Variants in HDAC7 observed in about 807,000 individuals in gnomAD.
HDAC7 encodes histone deacetylase 7, also known as histone deacetylase 7A.
Under a neutral mutation model 115.5 loss-of-function variants are expected in HDAC7, and 26 were observed. The observed-to-expected ratio is 0.23, with a 90% CI of 0.16 to 0.31. The LOEUF (loss-of-function observed/expected upper bound fraction) is 0.31, where lower values mean the gene tolerates loss of function less well. Among genes scored for constraint, HDAC7 ranks in the 10% least tolerant of loss-of-function variants. The probability of loss-of-function intolerance (pLI) is 1.00; values close to 1 mark genes in which losing one functional copy is unlikely to be tolerated. For missense variants in HDAC7, 1,068 were observed against 1,329.0 expected (o/e 0.80, Z 3.05); for synonymous variants, 564 against 550.9 (o/e 1.02, Z -0.33).
Position 47,798,942 on chromosome 12 carries a change from C to T in HDAC7, c.101G>A (p.Gly34Asp), listed in dbSNP as rs1455165713. 6.6e-7 allele frequency: 1 copy of T among 1,521,858 alleles called. No individual in the cohort carries two copies. Among genetic ancestry groups the T allele is most frequent in the South Asian group, 1.3e-5 (1 of 78,786 alleles). 94.3% of individuals were successfully genotyped at this position (1,521,858 alleles called of 1,614,324 possible). The change falls in exon 3 of 26, where the codon GGC (glycine) becomes GAC (aspartate). Residue 34 changes from glycine to aspartate, a missense_variant. Physicochemically the swap from Gly to Asp is moderately conservative, Grantham distance 94. Around this residue, in one of 6 missense-constraint regions of HDAC7, gnomAD observed 161 missense variants for 158.5 expected, o/e 1.02. Coordinates refer to ENST00000080059, the MANE Select transcript of HDAC7 (RefSeq NM_015401.5). The surrounding 1 kb of genome is among the most constrained non-coding windows in gnomAD (Gnocchi z 4.3). ...GCPRPCADTPGPQPQPMDLRV... is the reference protein window; with the variant it reads ...GCPRPCADTPDPQPQPMDLRV... ...CAGGTCCATGGGCTGCGGCTGAGGG[C>T]CTGGTGTGTCTGCACAGGGCCTGGG...
chr12:47,794,691 C>T, intron 12 of HDAC7, 69 bp downstream of exon 12: 1 of 1,437,360 alleles, frequency 7.0e-7, no homozygotes, highest in Non-Finnish European at 9.2e-7. Context: ...TCCCTCCCTT[C>T]CCCATCTTAT....
intron 2 of HDAC7, among the ~76,000 whole-genome samples, chr12:47,799,612 C>T (rs1944064959): frequency 1.3e-5 from 2 of 152,222 alleles, no homozygotes; most frequent in Non-Finnish European, 1.5e-5. Flanking sequence ...CTCATAGGGC[C>T]CATGTGTCCT....
chr12:47,800,680 G>A (rs1250874471), intron 2 of HDAC7, among the ~76,000 whole-genome samples: 1 of 152,178 alleles, frequency 6.6e-6, no homozygotes, highest in East Asian at 1.9e-4. Context: ...TGGCTTCCCG[G>A]GGTGACTCCC....
In HDAC7 at chr12:47,785,395, C is replaced by T. The variant is rs377638222; in HGVS notation, c.2783G>A (p.Arg928Gln). The T allele has an allele frequency of 2.5e-4, 410 of 1,609,340 alleles. 4 individuals carry two copies. The South Asian group carries it at 4.2e-3, about 16-fold the overall frequency. The change falls in exon 24 of 26, where the codon CGG becomes CAG. Residue 928 changes from arginine to glutamine, a missense_variant. Transcript: ENST00000080059. ...CCCATCTCCACACTTACTGTGCACC[C>T]GGATCACGGCCTCCAGAGAGCGGAT... ...NAIRSLEAVI[R>Q]VHSKYWGCMQ...
chr12:47,792,985 T>G (rs1023605677), intron 13 of HDAC7: 1 of 272,082 alleles, frequency 3.7e-6, no homozygotes, highest in African/African-American at 2.2e-5. Flanking sequence ...TACTGGTTGG[T>G]GATTTTTCTT....
At chr12:47,809,432 C>A (rs948489929) in intron 1 of HDAC7, among the ~76,000 whole-genome samples, 1 of 152,094 alleles carries the variant, frequency 6.6e-6, no homozygotes, top group African/African-American at 2.4e-5. Flanking sequence ...GTTACAATAT[C>A]AACAATAGTT....
At chr12:47,816,208 A>T (rs1425848526) in intron 1 of HDAC7, among the ~76,000 whole-genome samples, 5 of 151,966 alleles carry the variant, frequency 3.3e-5, no homozygotes, top group Non-Finnish European at 7.4e-5. Context: ...CTTTATCTTT[A>T]ACACATTCCC....
chr12:47,808,093 C>A (rs1944480201), intron 1 of HDAC7, among the ~76,000 whole-genome samples: 1 of 152,236 alleles, frequency 6.6e-6, no homozygotes, highest in Non-Finnish European at 1.5e-5. Flanking sequence ...AGAGAAGCTC[C>A]TGCACACCAA....
At chr12:47,805,665 G>C (rs76422001) in intron 1 of HDAC7, among the ~76,000 whole-genome samples, 13 of 152,348 alleles carry the variant, frequency 8.5e-5, no homozygotes, top group East Asian at 1.9e-4. Context: ...GACACAGAGT[G>C]GGGGCTGAGC....
In HDAC7 at chr12:47,791,053, C is replaced by T. The variant is rs576652243; in HGVS notation, c.1983+206G>A. ...CTAGGGGAAGGCTTAGGCTGGACTC[C>T]GCATTCGGGGGAGACTGTGGGTCCG... On this transcript the variant is annotated intron_variant, in intron 16 of 25. Transcript: ENST00000080059. 15 of 615,442 alleles carry T rather than the reference C, an allele frequency of 2.4e-5. 1 individual carries two copies. Among genetic ancestry groups the T allele is most frequent in the South Asian group, 1.3e-4 (7 of 52,010 alleles). The allele number at this position is 615,442 out of a possible 1,614,324, so 38.1% of individuals were successfully genotyped here.
rs753666160 is a variant in HDAC7 at position 47,796,264 on chromosome 12, T to C, written c.738A>G (p.Ser246=). ...CGCTGTCATTGGGGGAGCTGCACCC[T>C]GATGCGGGCGTGCTGCTACTACTTG... is the stretch of plus-strand genomic sequence containing the variant. ...SSPSSSSTPA[S]GCSSPNDSEH... The change falls in exon 8 of 26, where the codon TCA becomes TCG. Residue 246 remains serine, a synonymous_variant. Coordinates refer to ENST00000080059, the MANE Select transcript of HDAC7 (RefSeq NM_015401.5). The C allele has an allele frequency of 1.3e-5, 21 of 1,597,562 alleles. No individual in the cohort carries two copies. Among genetic ancestry groups the C allele is most frequent in the African/African-American group, 2.7e-5 (2 of 73,814 alleles).
Position 47,795,906 on chromosome 12 carries a change from C to T in HDAC7, c.906G>A (p.Arg302=). The change falls in exon 9 of 26, where the codon AGG becomes AGA. Residue 302 remains arginine (R), a splice_region_variant and synonymous_variant. Coordinates refer to ENST00000080059, the MANE Select transcript of HDAC7 (RefSeq NM_015401.5). The surrounding 1 kb of genome is among the most constrained non-coding windows in gnomAD (Gnocchi z 4.3). ...GGGGGTGGGCACCCCAGCCACTCACCCTGGCAGGGGCGGGCAGCCCCAGAG... is the reference window on the plus strand; with the variant it reads ...GGGGGTGGGCACCCCAGCCACTCACTCTGGCAGGGGCGGGCAGCCCCAGAG... The part of the protein sequence containing the change: ...AITLGLPAPA[R]ADSDRRTHPT... 1.3e-6 allele frequency: 2 copies of T among 1,548,290 alleles called. No individual in the cohort carries two copies. The highest frequency in any genetic ancestry group is 1.7e-6 in the Non-Finnish European group (2 of 1,146,502).
intron 1 of HDAC7, among the ~76,000 whole-genome samples, chr12:47,814,015 G>C (rs773708749): frequency 1.3e-5 from 2 of 152,242 alleles, no homozygotes; most frequent in Non-Finnish European, 2.9e-5. Flanking sequence ...CCTCCTGAGA[G>C]GGGTGAAGCG....
At chr12:47,819,160 A>T (rs898247244) in intron 1 of HDAC7, 1 of 152,408 alleles carries the variant, frequency 6.6e-6, no homozygotes, top group African/African-American at 2.4e-5. Flanking sequence ...GTGAGCAAGG[A>T]TGGGGGGCAA....
chr12:47,812,121 C>G (rs887452324), intron 1 of HDAC7, among the ~76,000 whole-genome samples: 2 of 152,258 alleles, frequency 1.3e-5, no homozygotes, highest in South Asian at 4.1e-4. Flanking sequence ...CCTCCCCAAG[C>G]TGGCACAGCA....
chr12:47,786,821 A>G, intron 21 of HDAC7, 118 bp from the exon 22 acceptor site: 1 of 730,442 alleles, frequency 1.4e-6, no homozygotes, highest in Non-Finnish European at 2.3e-6. Flanking sequence ...GTGCCCCAGC[A>G]CAACTGGCAG....
At chr12:47,818,144 C>T (rs1453890764) in intron 1 of HDAC7, among the ~76,000 whole-genome samples, 5 of 152,188 alleles carry the variant, frequency 3.3e-5, no homozygotes, top group African/African-American at 1.2e-4. Context: ...AACTTCCCTG[C>T]CCCAAAACCC....
At position 47,795,948 on chromosome 12, in the gene HDAC7, G is replaced by C. The variant is rs575150995; in HGVS notation, c.864C>G (p.Ser288=). ...SVAPFALPTV[S]LLPAITLGLP... Reference sequence around the variant, plus strand: ...GCCCCAGAGTGATTGCGGGCAGCAAGGACACTGTCGGCAAGGCGAACGGGG... The same window carrying C: ...GCCCCAGAGTGATTGCGGGCAGCAACGACACTGTCGGCAAGGCGAACGGGG... The change falls in exon 9 of 26, where the codon TCC becomes TCG. Residue 288 remains serine, a synonymous_variant. Coordinates refer to ENST00000080059, the MANE Select transcript of HDAC7 (RefSeq NM_015401.5). This position sits in a 1 kb window ranked among gnomAD's most constrained non-coding sequence, Gnocchi z 4.3. The C allele has an allele frequency of 1.0e-4, 159 of 1,550,972 alleles. 1 individual carries two copies. The South Asian group carries it at 1.7e-3, about 16-fold the overall frequency.
At chr12:47,786,536 C>T (rs1292306576) in intron 22 of HDAC7, 49 bp downstream of exon 22, 1 of 1,374,850 alleles carries the variant, frequency 7.3e-7, no homozygotes, top group Non-Finnish European at 1.0e-6. Context: ...ACTCCCCGCA[C>T]CGCCTGGCTC....
Sources: allele counts gnomAD v4.1 joint callset (sites outside exome capture counted in the v4.1 genomes callset), GRCh38; gene constraint gnomAD v4.1.1; regional missense constraint gnomAD v4.1.1; non-coding constraint Gnocchi (gnomAD v3.1); transcripts MANE v1.5; gene names NCBI Gene and HGNC (gene_info 2026-07-23, HGNC 2026-07-21).